The following TPM1 variants were observed in gnomAD, a reference collection of about 807,000 sequenced individuals.
TPM1 encodes the protein tropomyosin alpha-1 chain.
Under a neutral mutation model 42.9 loss-of-function variants are expected in TPM1, and 24 were observed. That is an observed-to-expected ratio of 0.56 (90% CI 0.41 to 0.79). The LOEUF is 0.79. TPM1 is among the 30% of genes least tolerant of loss of function. The pLI is 0.00. For synonymous variants in TPM1, 136 were observed against 130.1 expected (o/e 1.05, Z -0.31); for missense variants, 158 against 351.8 (o/e 0.45, Z 4.41).
At chr15:63,053,673 ATT>A (rs397853689) in intron 2 of TPM1, among the ~76,000 whole-genome samples, 3 of 75,102 alleles carry the variant, frequency 4.0e-5, no homozygotes, top group Admixed American at 1.3e-4. Flanking sequence ...TGGAAGTTTG[ATT>A]TTTTTTTTTT....
At chr15:63,050,482 A>T (rs1419388709) in intron 2 of TPM1, among the ~76,000 whole-genome samples, 1 of 152,186 alleles carries the variant, frequency 6.6e-6, no homozygotes, top group Non-Finnish European at 1.5e-5. Context: ...GACACAAAAG[A>T]TAAATTTTAT....
At chr15:63,058,745 C>T (rs1277993783) in intron 3 of TPM1, among the ~76,000 whole-genome samples, 7 of 152,186 alleles carry the variant, frequency 4.6e-5, no homozygotes, top group Non-Finnish European at 7.3e-5. Context: ...TTCACTTATA[C>T]TGCCTACTTA....
Position 63,064,921 on chromosome 15 carries a change from C to T in TPM1, c.851+779C>T, listed in dbSNP as rs1353956454. ...GGTGGAGCTTGCAGTCAGCCGAGAT[C>T]GCACCACCGCACTCCAGCCTGGACG... On this transcript the variant is annotated intron_variant, in intron 9 of 9. Transcript: ENST00000403994. 4 of 865,660 alleles carry T rather than the reference C, an allele frequency of 4.6e-6. No individual in the cohort carries two copies. In the South Asian group the frequency reaches 1.6e-4, roughly 34 times the overall value. 53.6% of individuals were successfully genotyped at this position (865,660 alleles called of 1,614,324 possible). A position where few individuals can be genotyped will look rare whatever the true frequency, so the allele number is the denominator to read the frequency against.
chr15:63,059,509 A>C (rs2035290983), intron 3 of TPM1, 54 bp from the exon 4 acceptor site: 2 of 1,416,636 alleles, frequency 1.4e-6, no homozygotes, highest in African/African-American at 1.4e-5. Flanking sequence ...TGCAGTGTGC[A>C]TTTGGGAAGT....
chr15:63,048,588 A>G, intron 2 of TPM1: 1 of 1,529,390 alleles, frequency 6.5e-7, no homozygotes, highest in East Asian at 2.5e-5. Context: ...GGCGGGGAGT[A>G]GCTCGCTGGA....
At chr15:63,064,274 A>G in intron 9 of TPM1, 132 bp downstream of exon 9, 1 of 1,535,894 alleles carries the variant, frequency 6.5e-7, no homozygotes, top group South Asian at 1.2e-5. Flanking sequence ...CATAACCTAG[A>G]ATAGTCATTG....
chr15:63,061,439 TC>T, intron 5 of TPM1: 3 of 794,972 alleles, frequency 3.8e-6, no homozygotes, highest in Non-Finnish European at 2.1e-6. Context: ...TCCTTTGTTT[TC>T]CCTTCATAAA....
Position 63,057,128 on chromosome 15 carries a change from C to T in TPM1, c.374+10C>T, listed in dbSNP as rs1419807999. The stretch of plus-strand genomic sequence containing the variant: ...CAGATGAGAGTGAGAGGTGAGAATG[C>T]CTCATCAGCCATCTTTTGCAGCTGC... On this transcript the variant is annotated intron_variant, in intron 3 of 9. Coordinates refer to ENST00000403994, the MANE Select transcript of TPM1 (RefSeq NM_001018005.2). 6.2e-7 allele frequency: 1 copy of T among 1,613,804 alleles called. No individual in the cohort carries two copies. The highest frequency in any genetic ancestry group is 8.5e-7 in the Non-Finnish European group (1 of 1,179,934).
chr15:63,064,110 G>T lies in TPM1; in HGVS notation c.819G>T (p.Glu273Asp). 2 of 1,614,148 alleles carry T rather than the reference G, an allele frequency of 1.2e-6. No homozygotes were observed. Among genetic ancestry groups the T allele is most frequent in the East Asian group, 4.5e-5 (2 of 44,878 alleles). The change falls in exon 9 of 10, where the codon GAG (glutamate) becomes GAT (aspartate). Residue 273 changes from glutamate to aspartate, a missense_variant. By Grantham distance (45) the Glu-to-Asp change is conservative. Around this residue, in one of 4 missense-constraint regions of TPM1, gnomAD observed 64 missense variants for 95.8 expected, o/e 0.67. Coordinates refer to ENST00000403994, the MANE Select transcript of TPM1 (RefSeq NM_001018005.2). The stretch of plus-strand genomic sequence containing the variant: ...TGAAGTACAAAGCCATCAGCGAGGA[G>T]CTGGACCACGCTCTCAACGATATGA... ...QKLKYKAISEELDHALNDMTS... is the reference protein window; with the variant it reads ...QKLKYKAISEDLDHALNDMTS...
chr15:63,066,080 C>T lies in TPM1; in HGVS notation c.*181C>T, dbSNP rs1201661655. On this transcript the variant is annotated 3_prime_UTR_variant, in exon 10 of 10. Transcript: ENST00000403994. ...GCTCTTCGTTTCAGTGTCAAATAAACACTGTGTAAGCTATTTCTGTTTGCT... is the reference window on the plus strand; with the variant it reads ...GCTCTTCGTTTCAGTGTCAAATAAATACTGTGTAAGCTATTTCTGTTTGCT... The T allele has an allele frequency of 2.0e-6, 3 of 1,530,816 alleles. No individual in the cohort carries two copies. The highest frequency in any genetic ancestry group is 1.2e-5 in the South Asian group (1 of 81,014). The allele number at this position is 1,530,816 out of a possible 1,614,324, so 94.8% of individuals were successfully genotyped here. A position where few individuals can be genotyped will look rare whatever the true frequency, so the allele number is the denominator to read the frequency against.
downstream of TPM1, among the ~76,000 whole-genome samples, chr15:63,069,606 C>T (rs2036491635): frequency 6.6e-6 from 1 of 152,208 alleles, no homozygotes; most frequent in Admixed American, 6.5e-5. Flanking sequence ...CTTCTTCCTC[C>T]TCTTATCCTG....
chr15:63,063,541 A>C (rs1220544898), intron 8 of TPM1, among the ~76,000 whole-genome samples: 2 of 152,212 alleles, frequency 1.3e-5, no homozygotes, highest in African/African-American at 4.8e-5. Context: ...TCGCTATCCC[A>C]GTGGTCTAGT....
At chr15:63,071,556 C>T (rs2036606213) in exon 9 of TPM1, 4 of 326,932 alleles carry the variant, frequency 1.2e-5, no homozygotes, top group South Asian at 2.6e-5. Context: ...AAAGGTCCCC[C>T]TGTGGTCTTT....
intron 2 of TPM1, among the ~76,000 whole-genome samples, chr15:63,051,024 G>T (rs2033747640): frequency 6.6e-6 from 1 of 152,170 alleles, no homozygotes. Flanking sequence ...TGTTTCCAAG[G>T]TGTGTGGATC....
downstream of TPM1, among the ~76,000 whole-genome samples, chr15:63,066,761 G>C (rs1181868192): frequency 6.6e-6 from 1 of 152,158 alleles, no homozygotes; most frequent in Non-Finnish European, 1.5e-5. Flanking sequence ...TTCTAAATAT[G>C]ATTACTCTGT....
Position 63,062,619 on chromosome 15 carries a change from T to G in TPM1, c.746T>G (p.Leu249Trp), listed in dbSNP as rs786204412. 1.2e-6 allele frequency: 2 copies of G among 1,614,222 alleles called. No homozygotes were observed. The highest frequency in any genetic ancestry group is 1.7e-6 in the Non-Finnish European group (2 of 1,180,042). Reference sequence around the variant, plus strand: ...TTTGCGGAGAGGTCAGTAACTAAATTGGAGAAAAGCATTGATGACTTAGAA... The same window carrying G: ...TTTGCGGAGAGGTCAGTAACTAAATGGGAGAAAAGCATTGATGACTTAGAA... ...AEFAERSVTK[L>W]EKSIDDLEDE... Residue 249 changes from leucine to tryptophan, a missense_variant, in exon 8 of 10, where the codon TTG becomes TGG. Leu to Trp is a moderately conservative substitution (Grantham distance 61, BLOSUM62 -2). Coordinates refer to ENST00000403994, the MANE Select transcript of TPM1 (RefSeq NM_001018005.2).
At chr15:63,044,323 A>T (rs146482332) in intron 2 of TPM1, 171 bp downstream of exon 2, 2 of 883,778 alleles carry the variant, frequency 2.3e-6, no homozygotes, top group African/African-American at 3.3e-5. Context: ...TACTGCACAC[A>T]TTCATTTATA....
Position 63,065,763 on chromosome 15 carries a change from G to T in TPM1, c.852-133G>T, listed in dbSNP as rs140198681. On this transcript the variant is annotated intron_variant, in intron 9 of 9. Transcript: ENST00000403994. ...GGATGTCCTTCCAAGGGTGTGGCTG[G>T]CAGTGGGGTTTGCATGACTGCTTCT... is the stretch of plus-strand genomic sequence containing the variant. The T allele has an allele frequency of 4.4e-6, 6 of 1,376,164 alleles. No individual in the cohort carries two copies. The African/African-American group carries it at 5.9e-5, about 13-fold the overall frequency. 85.2% of individuals were successfully genotyped at this position (1,376,164 alleles called of 1,614,324 possible).
At chr15:63,065,812 T>C in intron 9 of TPM1, 84 bp from the exon 10 acceptor site, 1 of 1,485,504 alleles carries the variant, frequency 6.7e-7, no homozygotes, top group Non-Finnish European at 9.1e-7. Flanking sequence ...AGTGCTCTCA[T>C]CTATTGGTTT....
Sources: allele counts gnomAD v4.1 joint callset (sites outside exome capture counted in the v4.1 genomes callset), GRCh38; gene constraint gnomAD v4.1.1; regional missense constraint gnomAD v4.1.1; transcripts MANE v1.5; gene names NCBI Gene and HGNC (gene_info 2026-07-23, HGNC 2026-07-21).